Variants in ATG4B observed in about 807,000 individuals in gnomAD.
The protein encoded by ATG4B is cysteine protease ATG4B.
Under a neutral mutation model 56.6 loss-of-function variants are expected in ATG4B, and 29 were observed. The ratio of observed to expected loss-of-function variants is 0.51; its 90% confidence interval spans 0.38 to 0.70. The LOEUF (loss-of-function observed/expected upper bound fraction) is 0.70, where lower values mean the gene tolerates loss of function less well. ATG4B is among the 30% of genes least tolerant of loss of function. The probability of loss-of-function intolerance (pLI) is 0.00; values close to 1 mark genes in which losing one functional copy is unlikely to be tolerated. For missense variants in ATG4B, 461 were observed against 515.5 expected (o/e 0.89, Z 1.02); for synonymous variants, 224 against 206.1 (o/e 1.09, Z -0.74).
chr2:241,663,558 T>C (rs1018370384), intron 7 of ATG4B, among the ~76,000 whole-genome samples: 3 of 152,252 alleles, frequency 2.0e-5, no homozygotes, highest in Non-Finnish European at 4.4e-5. Flanking sequence ...AGTACTAGTA[T>C]ATGGGTTCTT....
intron 6 of ATG4B, among the ~76,000 whole-genome samples, chr2:241,657,163 G>A (rs1285569803): frequency 6.8e-6 from 1 of 146,676 alleles, no homozygotes; most frequent in Non-Finnish European, 1.5e-5. Context: ...TTTTAGTAGA[G>A]ATGGGGTTTC....
chr2:241,661,979 A>G (rs2068606796), intron 7 of ATG4B, among the ~76,000 whole-genome samples: 1 of 152,238 alleles, frequency 6.6e-6, no homozygotes, highest in South Asian at 2.1e-4. Flanking sequence ...AAGCACAGTC[A>G]GAAACAGAGT....
rs2069010002 is a variant in ATG4B, at chr2:241,672,382, G to A, written c.*118G>A. The A allele has an allele frequency of 1.1e-6, 1 of 927,876 alleles. No homozygotes were observed. The allele number at this position is 927,876 out of a possible 1,614,324, so 57.5% of individuals were successfully genotyped here. On this transcript the variant is annotated 3_prime_UTR_variant, in exon 13 of 13. Coordinates refer to ENST00000404914, the MANE Select transcript of ATG4B (RefSeq NM_013325.5). Reference sequence around the variant, plus strand: ...GCGCCCCGTGCTGCCTCCCCCCAGAGGGCCACCCGCTGTGCTCGTGGACTG... The same window carrying A: ...GCGCCCCGTGCTGCCTCCCCCCAGAAGGCCACCCGCTGTGCTCGTGGACTG...
Position 241,666,679 on chromosome 2 carries a change from C to CGCAGT in ATG4B, c.575_576insAGTGC (p.Thr193ValfsTer53), listed in dbSNP as rs1559269953. 1 of 1,613,476 alleles carries CGCAGT rather than the reference C, an allele frequency of 6.2e-7. No individual in the cohort carries two copies. Among genetic ancestry groups the CGCAGT allele is most frequent in the Non-Finnish European group, 8.5e-7 (1 of 1,179,780 alleles). ...GCAGGACCAGCGTTCCCTGTGCAGGCGCCACTGCGTTTCCTGCAGATTCCG... is the reference window on the plus strand; with the variant it reads ...GCAGGACCAGCGTTCCCTGTGCAGGCGCAGTGCCACTGCGTTTCCTGCAGATTCCG... On this transcript the variant is annotated frameshift_variant, in exon 8 of 13. Coordinates refer to ENST00000404914, the MANE Select transcript of ATG4B (RefSeq NM_013325.5). LOFTEE classifies it high-confidence loss of function.
At chr2:241,650,909 C>T in intron 1 of ATG4B, 101 bp from the exon 2 acceptor site, 1 of 959,484 alleles carries the variant, frequency 1.0e-6, no homozygotes, top group Non-Finnish European at 1.6e-6. Context: ...CAAGAATTTA[C>T]AGTTGTTCTC....
intron 7 of ATG4B, among the ~76,000 whole-genome samples, chr2:241,660,288 G>C (rs2068551415): frequency 6.6e-6 from 1 of 152,212 alleles, no homozygotes; most frequent in African/African-American, 2.4e-5. Flanking sequence ...GGTGTGCCAG[G>C]TCACCACACA....
At chr2:241,652,115 G>A (rs921962553) in intron 3 of ATG4B, 40 of 418,948 alleles carry the variant, frequency 9.5e-5, no homozygotes, top group Admixed American at 7.1e-4. Flanking sequence ...ACACTGACGC[G>A]TAGGGACATA....
At chr2:241,640,285 A>G (rs901064345) in intron 1 of ATG4B, among the ~76,000 whole-genome samples, 1 of 152,234 alleles carries the variant, frequency 6.6e-6, no homozygotes, top group Non-Finnish European at 1.5e-5. Context: ...TTGCATTTAA[A>G]GGTCTCTGTT....
intron 3 of ATG4B, chr2:241,653,264 T>C: frequency 7.2e-7 from 1 of 1,396,138 alleles, no homozygotes; most frequent in Non-Finnish European, 9.9e-7. Context: ...GACATTCCTT[T>C]TGCTCCGTGA....
rs1197996225 is a variant in ATG4B at position 241,651,198 on chromosome 2, T to C, written c.113-66T>C. Reference sequence around the variant, plus strand: ...TCACTGTTCTCTGCTAACTCTGCCATAACTTGTGACTTGCAAACTTAAGGC... The same window carrying C: ...TCACTGTTCTCTGCTAACTCTGCCACAACTTGTGACTTGCAAACTTAAGGC... On this transcript the variant is annotated intron_variant, in intron 2 of 12. Transcript: ENST00000404914. The surrounding 1 kb of genome is among the most constrained non-coding windows in gnomAD (Gnocchi z 4.1). 4 of 1,559,580 alleles carry C rather than the reference T, an allele frequency of 2.6e-6. No individual in the cohort carries two copies. The highest frequency in any genetic ancestry group is 2.6e-6 in the Non-Finnish European group (3 of 1,145,944).
chr2:241,655,406 C>T (rs929265420), intron 6 of ATG4B, 63 bp downstream of exon 6: 11 of 1,491,968 alleles, frequency 7.4e-6, no homozygotes, highest in Non-Finnish European at 1.0e-5. Context: ...GGGTTAAATT[C>T]TCCTTGAGTC....
chr2:241,668,642 C>A lies in ATG4B; in HGVS notation c.914C>A (p.Pro305Gln). The A allele has an allele frequency of 6.3e-7, 1 of 1,584,226 alleles. No individual in the cohort carries two copies. Among genetic ancestry groups the A allele is most frequent in the Non-Finnish European group, 8.6e-7 (1 of 1,166,330 alleles). Reference sequence around the variant, plus strand: ...GAGAGCTTCCACTGCCAGCACCCGCCGTGCCGCATGAGCATCGCGGAGCTT... The same window carrying A: ...GAGAGCTTCCACTGCCAGCACCCGCAGTGCCGCATGAGCATCGCGGAGCTT... ...PDESFHCQHP[P>Q]CRMSIAELDP... The change falls in exon 10 of 13, where the codon CCG (proline) becomes CAG (glutamine). Residue 305 changes from proline to glutamine, a missense_variant. Physicochemically the swap from Pro to Gln is moderately conservative, Grantham distance 76. Transcript: ENST00000404914. This position sits in a 1 kb window ranked among gnomAD's most constrained non-coding sequence, Gnocchi z 4.2.
At chr2:241,640,080 CA>C (rs1478286461) in intron 1 of ATG4B, among the ~76,000 whole-genome samples, 10 of 152,076 alleles carry the variant, frequency 6.6e-5, no homozygotes, top group African/African-American at 2.4e-4. Context: ...TGGCTAAGGT[CA>C]AAAACACGGT....
intron 10 of ATG4B, among the ~76,000 whole-genome samples, chr2:241,670,345 T>C (rs1274675118): frequency 6.6e-6 from 1 of 152,110 alleles, no homozygotes; most frequent in East Asian, 1.9e-4. Context: ...AGGGAGCTGC[T>C]GGGCGAAGGC....
intron 1 of ATG4B, among the ~76,000 whole-genome samples, chr2:241,650,442 G>T (rs144831257): frequency 0.012 from 1,757 of 152,112 alleles, 40 homozygotes; most frequent in African/African-American, 0.04. Flanking sequence ...AGTGTTTCTT[G>T]CCCCGGAGCA....
intron 1 of ATG4B, among the ~76,000 whole-genome samples, chr2:241,647,014 C>T (rs1013393754): frequency 9.9e-5 from 15 of 152,004 alleles, no homozygotes; most frequent in Admixed American, 2.0e-4. Context: ...CAACTCCTGA[C>T]CTCAGGTGAT....
chr2:241,654,294 G>C (rs1314839898), intron 4 of ATG4B, among the ~76,000 whole-genome samples: 1 of 151,902 alleles, frequency 6.6e-6, no homozygotes, highest in South Asian at 2.1e-4. Context: ...GGTGACATGT[G>C]CCTGTAGTCC....
chr2:241,654,723 C>A, intron 5 of ATG4B, 76 bp downstream of exon 5: 1 of 1,203,146 alleles, frequency 8.3e-7, no homozygotes, highest in Non-Finnish European at 1.2e-6. Flanking sequence ...CCCCTCAGAG[C>A]TTTTCTGGTG....
chr2:241,668,508 CACCCACCT>C lies in ATG4B; in HGVS notation c.812-31_812-24del. On this transcript the variant is annotated intron_variant, in intron 9 of 12. Transcript: ENST00000404914. This position sits in a 1 kb window ranked among gnomAD's most constrained non-coding sequence, Gnocchi z 4.2. ...TGTCCCTTTCCTCTGCCGGCTCGGC[CACCCACCT>C]GCCCACCTGCCTCATCCTCCCAGGT... 2 of 1,598,656 alleles carry C rather than the reference CACCCACCT, an allele frequency of 1.3e-6. No individual in the cohort carries two copies. Among genetic ancestry groups the C allele is most frequent in the Non-Finnish European group, 8.5e-7 (1 of 1,176,664 alleles).
Sources: allele counts gnomAD v4.1 joint callset (sites outside exome capture counted in the v4.1 genomes callset), GRCh38; gene constraint gnomAD v4.1.1; non-coding constraint Gnocchi (gnomAD v3.1); transcripts MANE v1.5; gene names NCBI Gene and HGNC (gene_info 2026-07-23, HGNC 2026-07-21).